Variants in LINGO1 observed in about 807,000 individuals in gnomAD.
LINGO1 encodes the protein leucine rich repeat and Ig domain containing 1.
A neutral mutation model predicts 37.3 loss-of-function variants in LINGO1; 11 were observed. The observed-to-expected ratio is 0.29, with a 90% CI of 0.19 to 0.49. LINGO1 has a LOEUF of 0.49. Ranked by LOEUF, LINGO1 falls within the 20% of genes least tolerant of loss-of-function variation. LINGO1 has a pLI of 0.99. For missense variants in LINGO1, 585 were observed against 878.2 expected (o/e 0.67, Z 4.22); for synonymous variants, 387 against 403.0 (o/e 0.96, Z 0.48).
At chr15:77,719,237 C>T (rs2076020252) in intron 2 of LINGO1, among the ~76,000 whole-genome samples, 2 of 149,954 alleles carry the variant, frequency 1.3e-5, no homozygotes, top group African/African-American at 2.4e-5. Flanking sequence ...CAGGACTGAG[C>T]GGCTCCCCAG....
intron 2 of LINGO1, among the ~76,000 whole-genome samples, chr15:77,716,088 C>T (rs4073356): frequency 0.47 from 70,974 of 151,960 alleles, 17,062 homozygotes; most frequent in Admixed American, 0.59. Context: ...ATGAGGGAGG[C>T]ACTCTTCTTA....
At chr15:77,690,844 G>A (rs1289203902) in exon 2 of LINGO1, 2 of 152,318 alleles carry the variant, frequency 1.3e-5, no homozygotes, top group South Asian at 4.1e-4. Flanking sequence ...TGGAGATGCA[G>A]GCTGAAGGCT....
At chr15:77,668,623 A>G (rs912294804) in intron 3 of LINGO1, among the ~76,000 whole-genome samples, 14 of 152,252 alleles carry the variant, frequency 9.2e-5, no homozygotes, top group African/African-American at 3.1e-4. Flanking sequence ...ATGCGCAGGA[A>G]TACATCCACA....
chr15:77,717,401 C>T (rs537512687), intron 2 of LINGO1, among the ~76,000 whole-genome samples: 13 of 150,802 alleles, frequency 8.6e-5, no homozygotes, highest in African/African-American at 2.9e-4. Flanking sequence ...GCCTGTGGGG[C>T]CGCCACATGC....
At chr15:77,643,711 A>G (rs1001909384) in intron 3 of LINGO1, among the ~76,000 whole-genome samples, 2 of 152,346 alleles carry the variant, frequency 1.3e-5, no homozygotes, top group East Asian at 3.9e-4. Context: ...CTTAACCCCC[A>G]GAGGGCAGCA....
chr15:77,655,166 C>G (rs1377950367), intron 3 of LINGO1, among the ~76,000 whole-genome samples: 1 of 152,208 alleles, frequency 6.6e-6, no homozygotes, highest in Non-Finnish European at 1.5e-5. Context: ...TTCATGGCAG[C>G]TCCACCTACA....
chr15:77,721,594 G>A (rs2076050638), intron 2 of LINGO1, among the ~76,000 whole-genome samples: 2 of 152,174 alleles, frequency 1.3e-5, no homozygotes, highest in Non-Finnish European at 2.9e-5. Flanking sequence ...TTGATTGACT[G>A]TGTTTTTTAT....
intron 1 of LINGO1, among the ~76,000 whole-genome samples, chr15:77,818,463 C>T (rs990067031): frequency 6.6e-6 from 1 of 152,150 alleles, no homozygotes; most frequent in African/African-American, 2.4e-5. Flanking sequence ...GTGAGGCACG[C>T]GGGGGCATGG....
intron 2 of LINGO1, among the ~76,000 whole-genome samples, chr15:77,722,400 G>A (rs1214229545): frequency 6.6e-6 from 1 of 152,212 alleles, no homozygotes; most frequent in African/African-American, 2.4e-5. Context: ...AGGCAAGCTG[G>A]GGCCCTGCCT....
intron 2 of LINGO1, among the ~76,000 whole-genome samples, chr15:77,705,034 C>G (rs991990428): frequency 6.6e-6 from 1 of 152,100 alleles, no homozygotes; most frequent in African/African-American, 2.4e-5. Flanking sequence ...GGTTAATCTT[C>G]TGTCATATAA....
intron 1 of LINGO1, among the ~76,000 whole-genome samples, chr15:77,623,090 G>T (rs550081474): frequency 6.6e-6 from 1 of 152,208 alleles, no homozygotes; most frequent in South Asian, 2.1e-4. Context: ...AACAGAGAGA[G>T]CCCACCAGAC....
chr15:77,661,527 C>G (rs1385223287), intron 3 of LINGO1, among the ~76,000 whole-genome samples: 1 of 152,228 alleles, frequency 6.6e-6, no homozygotes, highest in Non-Finnish European at 1.5e-5. Flanking sequence ...AGTGCCTTGC[C>G]AGTTCATTTG....
At chr15:77,681,783 G>A (rs1407678335) in intron 2 of LINGO1, among the ~76,000 whole-genome samples, 1 of 152,074 alleles carries the variant, frequency 6.6e-6, no homozygotes, top group East Asian at 1.9e-4. Flanking sequence ...GGAGGGGAGT[G>A]GAGGAGGGAA....
At chr15:77,693,826 A>C (rs903284775) in intron 1 of LINGO1, among the ~76,000 whole-genome samples, 1 of 152,106 alleles carries the variant, frequency 6.6e-6, no homozygotes, top group Non-Finnish European at 1.5e-5. Context: ...GTAATGAAGG[A>C]AGACTCGTGG....
intron 1 of LINGO1, among the ~76,000 whole-genome samples, chr15:77,753,514 G>A (rs1053793522): frequency 6.6e-6 from 1 of 152,198 alleles, no homozygotes; most frequent in Non-Finnish European, 1.5e-5. Flanking sequence ...GATGAACATC[G>A]TCATGGAGAC....
In LINGO1 at chr15:77,704,387, G is replaced by A. The variant is rs185070517; in HGVS notation, c.-194-13486C>T. Reference sequence around the variant, plus strand: ...CGACGCTGGTCACATACTGAACCCCGACCCTGATCACAGATTGAACCCCAA... The same window carrying A: ...CGACGCTGGTCACATACTGAACCCCAACCCTGATCACAGATTGAACCCCAA... On this transcript the variant is annotated intron_variant, in intron 2 of 3. Coordinates refer to the LINGO1 transcript ENST00000561686. 1.1e-4 allele frequency among the ~76,000 whole-genome samples: 17 copies of A among 151,206 alleles called. No individual in the cohort carries two copies. In the East Asian group the frequency reaches 2.5e-3, roughly 23 times the overall value.
intron 2 of LINGO1, among the ~76,000 whole-genome samples, chr15:77,720,951 C>T (rs1483308263): frequency 2.6e-5 from 4 of 151,980 alleles, no homozygotes; most frequent in African/African-American, 2.4e-5. Flanking sequence ...AGACACCTTC[C>T]GGGACTCTCC....
In LINGO1 at chr15:77,632,486, C is replaced by T; in HGVS notation, c.-171G>A. The T allele has an allele frequency of 1.7e-6, 1 of 604,006 alleles. No homozygotes were observed. 37.4% of individuals were successfully genotyped at this position (604,006 alleles called of 1,614,324 possible). On this transcript the variant is annotated 5_prime_UTR_variant, in exon 1 of 2. Coordinates refer to ENST00000355300, the MANE Select transcript of LINGO1 (RefSeq NM_032808.7). This position sits in a 1 kb window ranked among gnomAD's most constrained non-coding sequence, Gnocchi z 6.0. ...GGGCTGGCTGTCCGTCTGTCCGCCC[C>T]GCGCGGGCGGGAGCCGAGCCGGAGC...
At chr15:77,742,133 G>T (rs1050868654) in intron 1 of LINGO1, among the ~76,000 whole-genome samples, 3 of 152,194 alleles carry the variant, frequency 2.0e-5, no homozygotes, top group Non-Finnish European at 2.9e-5. Context: ...CGCTCCCAGG[G>T]AGCTAACGGA....
Sources: allele counts gnomAD v4.1 joint callset (sites outside exome capture counted in the v4.1 genomes callset), GRCh38; gene constraint gnomAD v4.1.1; non-coding constraint Gnocchi (gnomAD v3.1); transcripts MANE v1.5; gene names NCBI Gene and HGNC (gene_info 2026-07-23, HGNC 2026-07-21).